MAGI2: variants seen among roughly 807,000 people sequenced by gnomAD.
MAGI2 encodes the protein membrane-associated guanylate kinase, WW and PDZ domain-containing protein 2.
Under a neutral mutation model 133.3 loss-of-function variants are expected in MAGI2, and 35 were observed. The ratio of observed to expected loss-of-function variants is 0.26; its 90% CI spans 0.20 to 0.35. The LOEUF (loss-of-function observed/expected upper bound fraction) is 0.35. MAGI2 is among the 10% of genes least tolerant of loss of function. The pLI, the probability that MAGI2 is intolerant of heterozygous loss-of-function variation, is 1.00. For missense variants in MAGI2, 1,636 were observed against 1,863.4 expected, an observed-to-expected ratio of 0.88 and a Z score of 2.25; for synonymous variants, 729 against 710.6, an observed-to-expected ratio of 1.03 and a Z score of -0.41.
intron 1 of MAGI2, among the ~76,000 whole-genome samples, chr7:79,239,850 G>A (rs961387367): frequency 2.0e-5 from 3 of 152,092 alleles, no homozygotes; most frequent in African/African-American, 2.4e-5. Flanking sequence ...CCTGTCAATC[G>A]CAGCTTTATC....
chr7:78,913,308 TAGTA>T (rs1183791323), intron 2 of MAGI2, among the ~76,000 whole-genome samples: 2 of 152,106 alleles, frequency 1.3e-5, no homozygotes, highest in East Asian at 3.9e-4. Flanking sequence ...GTTCTCATGA[TAGTA>T]AGTGCATTCT....
At chr7:78,592,824 T>TTC (rs1366833679) in intron 3 of MAGI2, among the ~76,000 whole-genome samples, 1 of 94,832 alleles carries the variant, frequency 1.1e-5, no homozygotes, top group Non-Finnish European at 2.2e-5. Context: ...AAATTACTGA[T>TTC]TCTCTTTTTT....
chr7:79,208,807 A>G (rs1008084133), intron 1 of MAGI2, among the ~76,000 whole-genome samples: 1 of 152,046 alleles, frequency 6.6e-6, no homozygotes, highest in African/African-American at 2.4e-5. Flanking sequence ...TGAGTTTCTG[A>G]AAAAAATATG....
intron 2 of MAGI2, among the ~76,000 whole-genome samples, chr7:78,957,264 C>CAAAAAAAAA (rs1187620956): frequency 3.1e-4 from 13 of 42,600 alleles, no homozygotes; most frequent in South Asian, 2.0e-3. Context: ...GACTCCATCT[C>CAAAAAAAAA]AAAAAAAAAA....
intron 6 of MAGI2, among the ~76,000 whole-genome samples, chr7:78,448,275 C>G (rs1019117947): frequency 6.6e-6 from 1 of 152,024 alleles, no homozygotes; most frequent in Non-Finnish European, 1.5e-5. Flanking sequence ...GATTTCGTTT[C>G]CTTTGAGTAT....
At chr7:78,651,282 A>G (rs1383565054) in intron 2 of MAGI2, among the ~76,000 whole-genome samples, 1 of 150,094 alleles carries the variant, frequency 6.7e-6, no homozygotes, top group South Asian at 2.1e-4. Context: ...ATAAACACAG[A>G]TACACACACA....
At chr7:78,979,026 T>C (rs185888231) in intron 2 of MAGI2, among the ~76,000 whole-genome samples, 49 of 151,968 alleles carry the variant, frequency 3.2e-4, no homozygotes, top group Admixed American at 5.9e-4. Flanking sequence ...CATGTAGTAA[T>C]GGATTCGAGT....
chr7:78,522,372 A>T (rs1796578266), intron 3 of MAGI2, among the ~76,000 whole-genome samples: 2 of 152,086 alleles, frequency 1.3e-5, no homozygotes, highest in Non-Finnish European at 2.9e-5. Flanking sequence ...TTATTAAGTG[A>T]TCATCTTTAT....
At chr7:78,915,773 C>T (rs1798748895) in intron 2 of MAGI2, among the ~76,000 whole-genome samples, 1 of 150,782 alleles carries the variant, frequency 6.6e-6, no homozygotes, top group Admixed American at 6.6e-5. Context: ...AGTATGGTGA[C>T]CAGCTTTTCA....
intron 9 of MAGI2, among the ~76,000 whole-genome samples, chr7:78,289,010 A>T (rs1796432128): frequency 6.6e-6 from 1 of 152,248 alleles, no homozygotes; most frequent in East Asian, 1.9e-4. Context: ...AAAACAGAGC[A>T]GAAAAGCTGA....
At chr7:78,805,473 C>T (rs1229340964) in intron 2 of MAGI2, among the ~76,000 whole-genome samples, 1 of 151,976 alleles carries the variant, frequency 6.6e-6, no homozygotes, top group African/African-American at 2.4e-5. Flanking sequence ...ATAAGAAATA[C>T]AGTAGAAGAG....
intron 19 of MAGI2, 77 bp from the exon 20 acceptor site, chr7:78,125,914 T>G (rs1820932641): frequency 5.1e-6 from 7 of 1,380,990 alleles, no homozygotes; most frequent in Non-Finnish European, 4.0e-6. Context: ...CTCTGTGTTC[T>G]CCTTCTGTCT....
intron 2 of MAGI2, among the ~76,000 whole-genome samples, chr7:78,636,864 C>T (rs1334225226): frequency 6.6e-6 from 1 of 152,050 alleles, no homozygotes; most frequent in Non-Finnish European, 1.5e-5. Context: ...TGCATCAGAA[C>T]CATGTGGAGG....
At chr7:78,418,623 A>T (rs1429015529) in intron 6 of MAGI2, among the ~76,000 whole-genome samples, 2 of 152,178 alleles carry the variant, frequency 1.3e-5, no homozygotes, top group Non-Finnish European at 1.5e-5. Context: ...AAATAGCCAC[A>T]TGTGCCTAGC....
At chr7:78,391,423 T>C (rs1049098227) in intron 6 of MAGI2, among the ~76,000 whole-genome samples, 1 of 152,236 alleles carries the variant, frequency 6.6e-6, no homozygotes, top group African/African-American at 2.4e-5. Context: ...TGGATATATT[T>C]GGAAGCCTAT....
chr7:78,144,289 C>T (rs777814396), intron 16 of MAGI2, among the ~76,000 whole-genome samples: 12 of 152,156 alleles, frequency 7.9e-5, no homozygotes, highest in Non-Finnish European at 1.6e-4. Context: ...TGTTTCTTCA[C>T]ATTTCTAATA....
intron 2 of MAGI2, among the ~76,000 whole-genome samples, chr7:78,707,916 GT>G (rs1818815317): frequency 1.3e-5 from 2 of 152,092 alleles, no homozygotes; most frequent in South Asian, 4.1e-4. Context: ...AGCATTCAAA[GT>G]AAAATGTAAG....
At position 78,019,522 on chromosome 7, in the gene MAGI2, C is replaced by T; in HGVS notation, c.4161G>A (p.Pro1387=). 3 of 980,374 alleles carry T rather than the reference C, an allele frequency of 3.1e-6. No homozygotes were observed. The highest frequency in any genetic ancestry group is 4.6e-5 in the South Asian group (1 of 21,948). 60.7% of individuals were successfully genotyped at this position (980,374 alleles called of 1,614,324 possible). The change falls in exon 22 of 22, where the codon CCG becomes CCA. Residue 1387 remains proline (P), a synonymous_variant. Transcript: ENST00000354212. ...LCRREGPGAA[P]AFAGPGGGGS... The stretch of plus-strand genomic sequence containing the variant: ...CGCCGCCGCCCGGGCCGGCAAACGC[C>T]GGCGCAGCCCCCGGGCCTTCGCGCC...
chr7:79,419,663 A>T (rs961419521), intron 1 of MAGI2, among the ~76,000 whole-genome samples: 1 of 152,068 alleles, frequency 6.6e-6, no homozygotes, highest in Non-Finnish European at 1.5e-5. Context: ...AGACAGTAAG[A>T]TTATACAAAC....
Sources: allele counts gnomAD v4.1 joint callset (sites outside exome capture counted in the v4.1 genomes callset), GRCh38; gene constraint gnomAD v4.1.1; transcripts MANE v1.5; gene names NCBI Gene and HGNC (gene_info 2026-07-23, HGNC 2026-07-21).